The following HIVEP3 variants were observed in gnomAD, a reference collection of about 807,000 sequenced individuals.
HIVEP3 encodes transcription factor HIVEP3.
Under a neutral mutation model 152.8 loss-of-function variants are expected in HIVEP3, and 49 were observed. The ratio of observed to expected loss-of-function variants is 0.32; its 90% CI spans 0.26 to 0.41. The LOEUF (loss-of-function observed/expected upper bound fraction) is 0.41, where lower values mean the gene tolerates loss of function less well. Ranked by LOEUF, HIVEP3 falls within the 10% of genes least tolerant of loss-of-function variation. The pLI, the probability that HIVEP3 is intolerant of heterozygous loss-of-function variation, is 1.00. For synonymous variants in HIVEP3, 1,269 were observed against 1,289.0 expected, an observed-to-expected ratio of 0.98 and a Z score of 0.33; for missense variants, 2,790 against 3,103.3, an observed-to-expected ratio of 0.90 and a Z score of 2.40.
At chr1:41,905,085 T>C (rs1320514) in intron 1 of HIVEP3, among the ~76,000 whole-genome samples, 1,779 of 152,276 alleles carry the variant, frequency 0.012, 22 homozygotes, top group Non-Finnish European at 0.016. Flanking sequence ...GGTATAAGGA[T>C]TTAAGAGTGT....
intron 1 of HIVEP3, among the ~76,000 whole-genome samples, chr1:41,984,855 G>T (rs950667274): frequency 6.6e-6 from 1 of 151,850 alleles, no homozygotes; most frequent in Admixed American, 6.6e-5. Flanking sequence ...AACAAATGAG[G>T]CTCCTGCCCT....
intron 1 of HIVEP3, among the ~76,000 whole-genome samples, chr1:41,893,910 T>A (rs12403298): frequency 0.15 from 22,419 of 145,156 alleles, 2,451 homozygotes; most frequent in African/African-American, 0.32. Flanking sequence ...TATTTATTTT[T>A]TATATATATA....
Position 41,512,930 on chromosome 1 carries a change from G to C in HIVEP3, c.6291C>G (p.Pro2097=). ...AGCCTGGGCCATGCTCCCCCGCTGAGGGGCTGCCCGGCCCAGCCAAGGCCC... is the reference window on the plus strand; with the variant it reads ...AGCCTGGGCCATGCTCCCCCGCTGACGGGCTGCCCGGCCCAGCCAAGGCCC... ...GKWALAGPGS[P]SAGEHGPGLG... Residue 2097 remains proline, a synonymous_variant, in exon 8 of 9, where the codon CCC becomes CCG. Transcript: ENST00000372583. 1 of 1,600,070 alleles carries C rather than the reference G, an allele frequency of 6.2e-7. No homozygotes were observed. The highest frequency in any genetic ancestry group is 8.5e-7 in the Non-Finnish European group (1 of 1,173,734).
chr1:41,891,686 TA>T (rs1359210348), intron 1 of HIVEP3, among the ~76,000 whole-genome samples: 1 of 152,246 alleles, frequency 6.6e-6, no homozygotes, highest in Non-Finnish European at 1.5e-5. Context: ...AAGTCCTTGG[TA>T]ACTCACTTTC....
intron 1 of HIVEP3, among the ~76,000 whole-genome samples, chr1:41,824,256 G>A (rs983385066): frequency 3.3e-5 from 5 of 151,996 alleles, no homozygotes; most frequent in Non-Finnish European, 5.9e-5. Flanking sequence ...CAAAGGCTCC[G>A]TCACCCTGGA....
chr1:41,528,147 TAC>T (rs200183851), intron 5 of HIVEP3, among the ~76,000 whole-genome samples: 2,097 of 78,718 alleles, frequency 0.027, 96 homozygotes, highest in African/African-American at 0.099. Context: ...TCCACACCCC[TAC>T]ACTCACACTT....
At chr1:41,944,742 C>A (rs749706799) in intron 1 of HIVEP3, among the ~76,000 whole-genome samples, 2 of 152,056 alleles carry the variant, frequency 1.3e-5, no homozygotes, top group African/African-American at 2.4e-5. Flanking sequence ...TGGTGATGCA[C>A]CCTGGAAAGG....
intron 1 of HIVEP3, among the ~76,000 whole-genome samples, chr1:41,959,398 T>C (rs1645157313): frequency 6.6e-6 from 1 of 152,010 alleles, no homozygotes; most frequent in African/African-American, 2.4e-5. Flanking sequence ...TAGCTGAGAG[T>C]CTGATCCTGC....
At chr1:41,545,590 T>TCCA (rs1643762179) in intron 5 of HIVEP3, among the ~76,000 whole-genome samples, 1 of 20,112 alleles carries the variant, frequency 5.0e-5, no homozygotes, top group Non-Finnish European at 1.2e-4. Flanking sequence ...ACCATCACCA[T>TCCA]CACCACCACC....
chr1:41,743,576 T>C (rs916197155), intron 1 of HIVEP3, among the ~76,000 whole-genome samples: 1 of 152,188 alleles, frequency 6.6e-6, no homozygotes, highest in African/African-American at 2.4e-5. Context: ...CAGCTGCCCC[T>C]TTCTGAATGT....
chr1:41,710,878 A>G (rs1357800371), intron 1 of HIVEP3, among the ~76,000 whole-genome samples: 2 of 152,194 alleles, frequency 1.3e-5, no homozygotes, highest in African/African-American at 4.8e-5. Context: ...AGAATTTGAC[A>G]TGGATTACTC....
chr1:41,547,342 G>T (rs577014437), intron 5 of HIVEP3, among the ~76,000 whole-genome samples: 1 of 152,190 alleles, frequency 6.6e-6, no homozygotes. Context: ...ATAATCAGTC[G>T]GTCTTGGGGT....
Position 41,629,133 on chromosome 1 carries a change from C to G in HIVEP3, c.-720-186G>C, listed in dbSNP as rs563475160. 4.3e-4 allele frequency among the ~76,000 whole-genome samples: 66 copies of G among 152,306 alleles called. No individual in the cohort carries two copies. In the South Asian group the frequency reaches 0.012, roughly 27 times the overall value. ...TCCAACACTTAACTTCTCTGAGCCT[C>G]TATTTCTTCACTAGTGTGGTAGGCA... On this transcript the variant is annotated intron_variant, in intron 2 of 8. Coordinates refer to ENST00000372583, the MANE Select transcript of HIVEP3 (RefSeq NM_024503.5).
intron 1 of HIVEP3, among the ~76,000 whole-genome samples, chr1:41,791,719 G>A (rs1649709025): frequency 6.6e-6 from 1 of 152,100 alleles, no homozygotes; most frequent in South Asian, 2.1e-4. Flanking sequence ...TGTTATTTTA[G>A]TTTGTTGTTA....
chr1:41,556,662 T>C (rs981918030), intron 5 of HIVEP3, among the ~76,000 whole-genome samples: 1 of 152,258 alleles, frequency 6.6e-6, no homozygotes, highest in Non-Finnish European at 1.5e-5. Context: ...ATCTATTTTT[T>C]CTTTTGTTGC....
chr1:41,787,988 G>C (rs1649463246), intron 1 of HIVEP3, among the ~76,000 whole-genome samples: 1 of 152,150 alleles, frequency 6.6e-6, no homozygotes, highest in African/African-American at 2.4e-5. Flanking sequence ...CAGAAGCCAA[G>C]GGAACTCCTC....
At chr1:41,715,093 C>A (rs1044221449) in intron 1 of HIVEP3, among the ~76,000 whole-genome samples, 1 of 152,188 alleles carries the variant, frequency 6.6e-6, no homozygotes, top group Non-Finnish European at 1.5e-5. Context: ...CCCCTCCTGG[C>A]AGCCCCCCAC....
At chr1:41,784,523 G>A (rs1009901583) in intron 1 of HIVEP3, among the ~76,000 whole-genome samples, 4 of 152,216 alleles carry the variant, frequency 2.6e-5, no homozygotes, top group African/African-American at 9.6e-5. Flanking sequence ...CCAGAACAGG[G>A]AGAGCAATTG....
chr1:41,794,652 A>G (rs921741129), intron 1 of HIVEP3, among the ~76,000 whole-genome samples: 2 of 152,220 alleles, frequency 1.3e-5, no homozygotes, highest in African/African-American at 4.8e-5. Context: ...TGCCATTTTG[A>G]TAGGTAAAAA....
Sources: allele counts gnomAD v4.1 joint callset (sites outside exome capture counted in the v4.1 genomes callset), GRCh38; gene constraint gnomAD v4.1.1; transcripts MANE v1.5; gene names NCBI Gene and HGNC (gene_info 2026-07-23, HGNC 2026-07-21).